Variants in PRDM4 observed in about 807,000 individuals in gnomAD.
PRDM4 encodes PR/SET domain 4.
PRDM4 carries 38 observed loss-of-function variants against 62.3 expected under a neutral mutation model. The observed-to-expected ratio is 0.61, with a 90% CI of 0.47 to 0.80. The LOEUF is 0.80. Among genes scored for constraint, PRDM4 ranks in the 30% least tolerant of loss-of-function variants. The probability of loss-of-function intolerance (pLI) is 0.00; values close to 1 mark genes in which losing one functional copy is unlikely to be tolerated. For missense variants in PRDM4, 858 were observed against 997.1 expected (o/e 0.86, Z 1.88); for synonymous variants, 339 against 348.2 (o/e 0.97, Z 0.30).
At position 107,751,771 on chromosome 12, in the gene PRDM4, A is replaced by G. The variant is rs769964306; in HGVS notation, c.770T>C (p.Met257Thr). Residue 257 changes from methionine to threonine, a missense_variant, in exon 5 of 12, where the codon ATG (methionine) becomes ACG (threonine). By Grantham distance (81) the Met-to-Thr change is moderately conservative. Around this residue, in one of 3 missense-constraint regions of PRDM4, gnomAD observed 499 missense variants for 546.7 expected, o/e 0.91. Coordinates refer to ENST00000228437, the MANE Select transcript of PRDM4 (RefSeq NM_012406.4). Reference sequence around the variant, plus strand: ...AGGGAGCTCCAGGCCATTCCCATGCATGGGTATCACACCACCATGTCCTAC... The same window carrying G: ...AGGGAGCTCCAGGCCATTCCCATGCGTGGGTATCACACCACCATGTCCTAC... The part of the protein sequence containing the change: ...DAVGHGGVIP[M>T]HGNGLELPVV... 1.9e-6 allele frequency: 3 copies of G among 1,614,186 alleles called. No homozygotes were observed. In the South Asian group the frequency reaches 3.3e-5, roughly 18 times the overall value.
chr12:107,752,227 T>C lies in PRDM4; in HGVS notation c.332-18A>G. The C allele has an allele frequency of 5.9e-6, 9 of 1,526,530 alleles. No individual in the cohort carries two copies. The highest frequency in any genetic ancestry group is 1.1e-5 in the South Asian group (1 of 89,042). The allele number at this position is 1,526,530 out of a possible 1,614,324, so 94.6% of individuals were successfully genotyped here. A position where few individuals can be genotyped will look rare whatever the true frequency, so the allele number is the denominator to read the frequency against. On this transcript the variant is annotated intron_variant, in intron 4 of 11. Coordinates refer to ENST00000228437, the MANE Select transcript of PRDM4 (RefSeq NM_012406.4). Reference sequence around the variant, plus strand: ...TAAAATGCCTGAGAAAAGGAAAAGATGAGATATCAGAGACTTTTAGTACAT... The same window carrying C: ...TAAAATGCCTGAGAAAAGGAAAAGACGAGATATCAGAGACTTTTAGTACAT...
chr12:107,752,641 A>G (rs1890931956), intron 4 of PRDM4, among the ~76,000 whole-genome samples: 1 of 152,108 alleles, frequency 6.6e-6, no homozygotes, highest in Admixed American at 6.5e-5. Context: ...ACAAGTCACA[A>G]TTGTACCTGT....
chr12:107,736,545 C>CAATA (rs1389497875), intron 11 of PRDM4: 3 of 152,250 alleles, frequency 2.0e-5, no homozygotes, highest in Non-Finnish European at 4.4e-5. Flanking sequence ...TAGCCAAGTA[C>CAATA]TATTACATCA....
chr12:107,759,394 A>G (rs940864565), intron 2 of PRDM4, among the ~76,000 whole-genome samples: 5 of 152,228 alleles, frequency 3.3e-5, no homozygotes, highest in African/African-American at 7.2e-5. Context: ...AAACACTACA[A>G]TCACTACAGC....
intron 10 of PRDM4, among the ~76,000 whole-genome samples, chr12:107,740,739 C>T (rs1890491027): frequency 6.6e-6 from 1 of 152,140 alleles, no homozygotes; most frequent in African/African-American, 2.4e-5. Context: ...TTTTCCCAGG[C>T]ACCTTCCAAC....
rs1890247908 is a variant in PRDM4, at chr12:107,734,035, A to C, written c.*175T>G. The C allele has an allele frequency of 3.1e-6, 2 of 655,506 alleles. No homozygotes were observed. Among genetic ancestry groups the C allele is most frequent in the Non-Finnish European group, 5.0e-6 (2 of 400,216 alleles). 40.6% of individuals were successfully genotyped at this position (655,506 alleles called of 1,614,324 possible). On this transcript the variant is annotated 3_prime_UTR_variant, in exon 12 of 12. Transcript: ENST00000228437. ...TGCTCAGTTTTCCCAATCTGTTTTA[A>C]AGTGTTTTCATTAGGATACTCTTCT...
chr12:107,755,833 C>T (rs1891047298), intron 3 of PRDM4, among the ~76,000 whole-genome samples: 1 of 152,114 alleles, frequency 6.6e-6, no homozygotes, highest in Non-Finnish European at 1.5e-5. Flanking sequence ...ACCTAAAATC[C>T]CAGCACTCTG....
intron 11 of PRDM4, chr12:107,737,900 C>T (rs1890385853): frequency 1.3e-5 from 2 of 152,176 alleles, no homozygotes; most frequent in Non-Finnish European, 2.9e-5. Flanking sequence ...TGAGGTGGAG[C>T]CTTTGGAAGG....
chr12:107,751,223 G>A (rs1460486627), intron 5 of PRDM4, among the ~76,000 whole-genome samples, 192 bp downstream of exon 5: 2 of 152,204 alleles, frequency 1.3e-5, no homozygotes, highest in African/African-American at 2.4e-5. Context: ...CCAACTAAAT[G>A]TATGTATATC....
intron 5 of PRDM4, among the ~76,000 whole-genome samples, chr12:107,747,816 G>A (rs1890760781): frequency 6.6e-6 from 1 of 150,790 alleles, no homozygotes; most frequent in South Asian, 2.1e-4. Flanking sequence ...TTTTTTTTAA[G>A]ACGGGGTCCC....
intron 9 of PRDM4, among the ~76,000 whole-genome samples, chr12:107,741,613 G>T (rs183117330): frequency 1.3e-5 from 2 of 152,224 alleles, no homozygotes; most frequent in East Asian, 3.9e-4. Context: ...TAGCTAATCA[G>T]GAGACTGAGG....
At chr12:107,750,912 G>T (rs1370083764) in intron 5 of PRDM4, among the ~76,000 whole-genome samples, 2 of 152,106 alleles carry the variant, frequency 1.3e-5, no homozygotes, top group Admixed American at 1.3e-4. Flanking sequence ...TAGAGACAGG[G>T]TCTCACTTTG....
At chr12:107,743,066 T>A in intron 8 of PRDM4, 131 bp downstream of exon 8, 1 of 715,748 alleles carries the variant, frequency 1.4e-6, no homozygotes, top group Non-Finnish European at 2.3e-6. Context: ...CATGCCTGGC[T>A]GCCTTGGGCT....
intron 5 of PRDM4, among the ~76,000 whole-genome samples, chr12:107,751,110 T>G (rs182783668): frequency 1.3e-5 from 2 of 152,302 alleles, no homozygotes; most frequent in Admixed American, 6.5e-5. Flanking sequence ...GCCTCCAGAA[T>G]AGCTGGGACT....
rs1202197818 is a variant in PRDM4 at position 107,744,751 on chromosome 12, ATTT to A, written c.1277-93_1277-91del. The stretch of plus-strand genomic sequence containing the variant: ...GTGCTTCACCCATGCAAAGAATCTT[ATTT>A]TCAATGAATTTAACCAATATGTAGG... On this transcript the variant is annotated intron_variant, in intron 6 of 11. Transcript: ENST00000228437. 7.2e-6 allele frequency: 11 copies of A among 1,525,936 alleles called. No homozygotes were observed. In the Admixed American group the frequency reaches 2.0e-4, roughly 28 times the overall value. The allele number at this position is 1,525,936 out of a possible 1,614,324, so 94.5% of individuals were successfully genotyped here. A position where few individuals can be genotyped will look rare whatever the true frequency, so the allele number is the denominator to read the frequency against.
rs780300152 is a variant in PRDM4, at chr12:107,741,240, C to T, written c.1630G>A (p.Val544Met). 6.2e-7 allele frequency: 1 copy of T among 1,609,994 alleles called. No individual in the cohort carries two copies. The highest frequency in any genetic ancestry group is 1.7e-5 in the Admixed American group (1 of 59,894). ...TCCTTGCCACAGTTACAGAGATGCA[C>T]ATCTGGGTGTTCAGGAACACCTTTT... ...QQIGVPEHPD[V>M]HLCNCGKECN... The change falls in exon 10 of 12, where the codon GTG becomes ATG. Residue 544 changes from valine to methionine, a missense_variant. Coordinates refer to ENST00000228437, the MANE Select transcript of PRDM4 (RefSeq NM_012406.4).
intron 2 of PRDM4, among the ~76,000 whole-genome samples, chr12:107,758,739 ATTAGGTTTCACCC>A (rs1891138550): frequency 6.6e-6 from 1 of 152,228 alleles, no homozygotes; most frequent in South Asian, 2.1e-4. Context: ...TTCTTGCATT[ATTAGGTTTCACCC>A]TTATCCCTGG....
At chr12:107,735,265 C>T (rs1224119411) in intron 11 of PRDM4, among the ~76,000 whole-genome samples, 1 of 152,214 alleles carries the variant, frequency 6.6e-6, no homozygotes, top group African/African-American at 2.4e-5. Context: ...TGCACATCTT[C>T]AACTTTACAA....
intron 6 of PRDM4, among the ~76,000 whole-genome samples, chr12:107,745,046 C>T (rs916325581): frequency 2.0e-5 from 3 of 151,256 alleles, no homozygotes; most frequent in African/African-American, 4.9e-5. Context: ...GGTGACAAAG[C>T]GAGACTCTGT....
Sources: allele counts gnomAD v4.1 joint callset (sites outside exome capture counted in the v4.1 genomes callset), GRCh38; gene constraint gnomAD v4.1.1; regional missense constraint gnomAD v4.1.1; transcripts MANE v1.5; gene names NCBI Gene and HGNC (gene_info 2026-07-23, HGNC 2026-07-21).